Variants in MICOS13 observed in about 807,000 individuals in gnomAD.
The protein encoded by MICOS13 is MICOS complex subunit MIC13.
MICOS13 carries 15 observed loss-of-function variants against 16.1 expected under a neutral mutation model. That is an observed-to-expected ratio of 0.93 (90% CI 0.62 to 1.44). MICOS13 has a LOEUF of 1.44. Ranked by LOEUF, MICOS13 falls within the 40% of genes most tolerant of loss-of-function variation. MICOS13 has a pLI of 0.00. For missense variants in MICOS13, 164 were observed against 155.0 expected, an observed-to-expected ratio of 1.06 and a Z score of -0.31; for synonymous variants, 61 against 62.6, an observed-to-expected ratio of 0.97 and a Z score of 0.12.
intron 2 of MICOS13, 66 bp from the exon 3 acceptor site, chr19:5,679,462 GGGA>G (rs1386327063): frequency 6.9e-6 from 11 of 1,595,668 alleles, no homozygotes; most frequent in Non-Finnish European, 9.4e-6. Flanking sequence ...CAGAGGCGGA[GGGA>G]GGAGGACAGG....
chr19:5,679,232 TAA>T (rs765473476), intron 3 of MICOS13, 111 bp downstream of exon 3: 1 of 1,186,796 alleles, frequency 8.4e-7, no homozygotes, highest in Non-Finnish European at 1.2e-6. Context: ...TTTAGATCCC[TAA>T]GAGACACGTG....
Position 5,678,495 on chromosome 19 carries a change from C to T in MICOS13, c.*56G>A, listed in dbSNP as rs961241282. On this transcript the variant is annotated 3_prime_UTR_variant, in exon 4 of 4. Coordinates refer to ENST00000309324, the MANE Select transcript of MICOS13 (RefSeq NM_205767.3). Reference sequence around the variant, plus strand: ...GAGTGGGGTCCCAGTCCGGAGTCTTCAGGTCAGTGGCAGCCCTGCCCGTTC... The same window carrying T: ...GAGTGGGGTCCCAGTCCGGAGTCTTTAGGTCAGTGGCAGCCCTGCCCGTTC... 109 of 1,482,812 alleles carry T rather than the reference C, an allele frequency of 7.4e-5. No individual in the cohort carries two copies. Among genetic ancestry groups the T allele is most frequent in the Non-Finnish European group, 9.4e-5 (102 of 1,090,526 alleles). 91.9% of individuals were successfully genotyped at this position (1,482,812 alleles called of 1,614,324 possible).
Position 5,678,577 on chromosome 19 carries a change from C to A in MICOS13, c.331G>T (p.Glu111Ter). ...TACTTGGTGCGCGCCTTCACATACTCCCAGCCCTCCTTGGAGTACTCGCGG... is the reference window on the plus strand; with the variant it reads ...TACTTGGTGCGCGCCTTCACATACTACCAGCCCTCCTTGGAGTACTCGCGG... ...KAREYSKEGWEYVKARTK is the reference protein window; with the variant it reads ...KAREYSKEGW Residue 111 changes from glutamate to a stop codon, truncating the protein, a stop_gained, in exon 4 of 4, where the codon GAG (glutamate) becomes TAG (stop). Coordinates refer to ENST00000309324, the MANE Select transcript of MICOS13 (RefSeq NM_205767.3). LOFTEE classifies it high-confidence loss of function. The A allele has an allele frequency of 6.5e-7, 1 of 1,549,706 alleles. No individual in the cohort carries two copies. Among genetic ancestry groups the A allele is most frequent in the Non-Finnish European group, 8.7e-7 (1 of 1,146,710 alleles).
chr19:5,679,706 C>G lies in MICOS13; in HGVS notation c.87G>C (p.Glu29Asp). 6.2e-7 allele frequency: 1 copy of G among 1,610,226 alleles called. No homozygotes were observed. The highest frequency in any genetic ancestry group is 1.1e-5 in the South Asian group (1 of 90,878). Residue 29 changes from glutamate (E) to aspartate (D), a missense_variant, in exon 2 of 4, where the codon GAG becomes GAC. Coordinates refer to ENST00000309324, the MANE Select transcript of MICOS13 (RefSeq NM_205767.3). ...GGCTCTTGTCGCTGGGCCCCAGCAGCTCCTGGTCGTACACCAGGTAGACGG... is the reference window on the plus strand; with the variant it reads ...GGCTCTTGTCGCTGGGCCCCAGCAGGTCCTGGTCGTACACCAGGTAGACGG... ...GGAVYLVYDQ[E>D]LLGPSDKSQA...
chr19:5,680,274 T>G, intron 1 of MICOS13, 184 bp downstream of exon 1: 1 of 1,594,936 alleles, frequency 6.3e-7, no homozygotes. Flanking sequence ...GGGAGGGGAT[T>G]GGCGACCTCG....
Position 5,679,642 on chromosome 19 carries a change from C to T in MICOS13, c.151G>A (p.Ala51Thr), listed in dbSNP as rs746370938. The T allele has an allele frequency of 3.1e-6, 5 of 1,610,672 alleles. No homozygotes were observed. The highest frequency in any genetic ancestry group is 4.2e-6 in the Non-Finnish European group (5 of 1,179,240). Residue 51 changes from alanine (A) to threonine (T), a missense_variant, in exon 2 of 4, where the codon GCC becomes ACC. Physicochemically the swap from Ala to Thr is moderately conservative, Grantham distance 58. Coordinates refer to ENST00000309324, the MANE Select transcript of MICOS13 (RefSeq NM_205767.3). ...LQKAGEVVPP[A>T]MYQFSQYVCQ... The stretch of plus-strand genomic sequence containing the variant: ...ACGTACTGGCTGAACTGGTACATGG[C>T]GGGGGGGACCACCTCCCCAGCCTTC...
At chr19:5,680,172 C>T (rs1428972671) in intron 1 of MICOS13, 1 of 1,536,520 alleles carries the variant, frequency 6.5e-7, no homozygotes, top group African/African-American at 1.4e-5. Flanking sequence ...CAGGATTCAC[C>T]GGCATTCCCA....
Position 5,679,877 on chromosome 19 carries a change from A to G in MICOS13, c.30-114T>C, listed in dbSNP as rs558963800. The G allele has an allele frequency of 4.9e-5, 68 of 1,390,508 alleles. No homozygotes were observed. The African/African-American group carries it at 8.3e-4, about 17-fold the overall frequency. The allele number at this position is 1,390,508 out of a possible 1,614,324, so 86.1% of individuals were successfully genotyped here. The stretch of plus-strand genomic sequence containing the variant: ...CTGAGGGCTCACCGTCCACAGGGTG[A>G]CACTCTGTAGTGCAGCACCGTCGAC... On this transcript the variant is annotated intron_variant, in intron 1 of 3. Transcript: ENST00000309324.
Position 5,679,720 on chromosome 19 carries a change from C to G in MICOS13, c.73G>C (p.Val25Leu). Reference sequence around the variant, plus strand: ...GGCCCCAGCAGCTCCTGGTCGTACACCAGGTAGACGGCGCCCCCAGCCACA... The same window carrying G: ...GGCCCCAGCAGCTCCTGGTCGTACAGCAGGTAGACGGCGCCCCCAGCCACA... ...GSVAGGAVYLVYDQELLGPSD... is the reference protein window; with the variant it reads ...GSVAGGAVYLLYDQELLGPSD... Residue 25 changes from valine to leucine, a missense_variant, in exon 2 of 4, where the codon GTG (valine) becomes CTG (leucine). Transcript: ENST00000309324. The G allele has an allele frequency of 1.2e-6, 2 of 1,609,942 alleles. No individual in the cohort carries two copies. The highest frequency in any genetic ancestry group is 8.5e-7 in the Non-Finnish European group (1 of 1,179,288).
intron 3 of MICOS13, 152 bp downstream of exon 3, chr19:5,679,193 T>G (rs1045604490): frequency 2.4e-6 from 2 of 818,236 alleles, no homozygotes; most frequent in East Asian, 5.5e-5. Context: ...ATTACAGGCG[T>G]GAGCCACTGT....
intron 1 of MICOS13, chr19:5,680,038 A>C: frequency 6.6e-7 from 1 of 1,513,966 alleles, no homozygotes. Flanking sequence ...GGGGCAGTGA[A>C]GACGTAAGAT....
chr19:5,680,319 A>C, intron 1 of MICOS13, 139 bp downstream of exon 1: 3 of 1,608,520 alleles, frequency 1.9e-6, no homozygotes, highest in Non-Finnish European at 2.6e-6. Context: ...CAGTTTCCCT[A>C]TCTGGCCCAT....
chr19:5,678,762 G>T, intron 3 of MICOS13, 114 bp from the exon 4 acceptor site: 1 of 576,976 alleles, frequency 1.7e-6, no homozygotes, highest in Non-Finnish European at 3.0e-6. Flanking sequence ...GGGGGGCGGG[G>T]ATGGAGTCTC....
chr19:5,680,263 A>C (rs928350668), intron 1 of MICOS13, 195 bp downstream of exon 1: 2 of 1,584,476 alleles, frequency 1.3e-6, no homozygotes, highest in Non-Finnish European at 1.7e-6. Flanking sequence ...GGGAAGCAGG[A>C]GGGAGGGGAT....
intron 1 of MICOS13, chr19:5,680,064 G>T: frequency 6.5e-7 from 1 of 1,528,028 alleles, no homozygotes; most frequent in Non-Finnish European, 8.7e-7. Context: ...CCTTCTAGAA[G>T]CCTTCCAGCC....
chr19:5,680,220 C>A (rs1194010939), intron 1 of MICOS13: 6 of 1,543,660 alleles, frequency 3.9e-6, no homozygotes, highest in Non-Finnish European at 5.2e-6. Flanking sequence ...GAGGCGGAGG[C>A]TGACACCGCG....
Position 5,678,608 on chromosome 19 carries a change from G to A in MICOS13, c.300C>T (p.Ser100=). ...TVMSALSVAP[S]KAREYSKEGW... ...CCTCCTTGGAGTACTCGCGGGCCTT[G>A]GAGGGGGCCACCGACAGAGCTGACA... Residue 100 remains serine, a synonymous_variant, in exon 4 of 4, where the codon TCC becomes TCT. Coordinates refer to ENST00000309324, the MANE Select transcript of MICOS13 (RefSeq NM_205767.3). The A allele has an allele frequency of 1.3e-6, 2 of 1,547,100 alleles. No individual in the cohort carries two copies. Among genetic ancestry groups the A allele is most frequent in the South Asian group, 1.2e-5 (1 of 83,818 alleles).
rs2054474027 is a variant in MICOS13 at position 5,678,590 on chromosome 19, G to A, written c.318C>T (p.Ser106=). ...CCTTCACATACTCCCAGCCCTCCTT[G>A]GAGTACTCGCGGGCCTTGGAGGGGG... ...SVAPSKAREY[S]KEGWEYVKAR... is the part of the protein sequence containing the mutation. Residue 106 remains serine (S), a synonymous_variant, in exon 4 of 4, where the codon TCC becomes TCT. Coordinates refer to ENST00000309324, the MANE Select transcript of MICOS13 (RefSeq NM_205767.3). The A allele has an allele frequency of 6.5e-7, 1 of 1,549,362 alleles. No individual in the cohort carries two copies. The highest frequency in any genetic ancestry group is 1.2e-5 in the South Asian group (1 of 84,022).
Position 5,680,388 on chromosome 19 carries a change from C to T in MICOS13, c.29+70G>A, listed in dbSNP as rs906717577. 5 of 1,608,246 alleles carry T rather than the reference C, an allele frequency of 3.1e-6. No individual in the cohort carries two copies. The African/African-American group carries it at 6.7e-5, about 21-fold the overall frequency. The stretch of plus-strand genomic sequence containing the variant: ...AAGCGAAGAGCAGATCGGGACCAGA[C>T]TGGAGACAGGGATGCCCACAAAAAT... On this transcript the variant is annotated intron_variant, in intron 1 of 3. Transcript: ENST00000309324.
Sources: gnomAD v4.1 joint callset for allele counts on GRCh38, gnomAD v4.1.1 for gene constraint, MANE v1.5 for transcripts, NCBI Gene and HGNC (gene_info 2026-07-23, HGNC 2026-07-21) for gene names.